XRN2: variants seen among roughly 807,000 people sequenced by gnomAD.
The protein encoded by XRN2 is DHM1-like protein.
Under a neutral mutation model 138.5 loss-of-function variants are expected in XRN2, and 44 were observed. The ratio of observed to expected loss-of-function variants is 0.32; its 90% CI spans 0.25 to 0.41. The LOEUF is 0.41. Ranked by LOEUF, XRN2 falls within the 10% of genes least tolerant of loss-of-function variation. The probability of loss-of-function intolerance (pLI) is 1.00; values close to 1 mark genes in which losing one functional copy is unlikely to be tolerated. For missense variants in XRN2, 937 were observed against 1,169.3 expected (o/e 0.80, Z 2.90); for synonymous variants, 354 against 369.4 (o/e 0.96, Z 0.48).
In XRN2 at chr20:21,359,937, A is replaced by G. The variant is rs1305694261; in HGVS notation, c.2255+2145A>G. Among the ~76,000 whole-genome samples, 3 of 151,906 alleles carry G rather than the reference A, an allele frequency of 2.0e-5. No homozygotes were observed. In the East Asian group the frequency reaches 5.8e-4, roughly 29 times the overall value. ...TAGTATCCCATTTGATATTTGAGAA[A>G]TCGTTTCCTCAAGTTGAGTTTAGGT... On this transcript the variant is annotated intron_variant, in intron 24 of 29. Coordinates refer to ENST00000377191, the MANE Select transcript of XRN2 (RefSeq NM_012255.5).
intron 1 of XRN2, among the ~76,000 whole-genome samples, chr20:21,320,970 A>G (rs1348388433): frequency 6.6e-6 from 1 of 152,010 alleles, no homozygotes; most frequent in Admixed American, 6.6e-5. Context: ...CATTAGATCT[A>G]TTAGTCTCCT....
chr20:21,381,925 AAAATATTGGGTAGTT>A (rs2038889726), intron 27 of XRN2, 54 bp from the exon 28 acceptor site: 1 of 1,286,852 alleles, frequency 7.8e-7, no homozygotes, highest in East Asian at 2.5e-5. Flanking sequence ...TTTTAATTAT[AAAATATTGGGTAGTT>A]GAATATTGGT....
chr20:21,374,227 G>C lies in XRN2; in HGVS notation c.2584+5637G>C, dbSNP rs566035856. 1.3e-5 allele frequency among the ~76,000 whole-genome samples: 2 copies of C among 151,714 alleles called. 1 individual carries two copies. The highest frequency in any genetic ancestry group is 4.2e-4 in the South Asian group (2 of 4,796). ...TCTTCTAATAGTTTATATGTTCTTT[G>C]AAATCTTTTTGTGTACACAATTATG... is the stretch of plus-strand genomic sequence containing the variant. On this transcript the variant is annotated intron_variant, in intron 27 of 29. Coordinates refer to ENST00000377191, the MANE Select transcript of XRN2 (RefSeq NM_012255.5).
chr20:21,375,810 TTTTATTTATTTATTTATTTTTTA>T (rs988116100), intron 27 of XRN2, among the ~76,000 whole-genome samples: 3 of 146,898 alleles, frequency 2.0e-5, no homozygotes, highest in African/African-American at 7.4e-5. Context: ...TACCAGGTGT[TTTTATTTATTTATTTATTTTTTA>T]TTTATTTATT....
intron 4 of XRN2, among the ~76,000 whole-genome samples, chr20:21,330,207 C>T (rs551091735): frequency 1.9e-3 from 294 of 152,138 alleles, no homozygotes; most frequent in African/African-American, 6.9e-3. Context: ...CGCTTGAACC[C>T]CGGAAGGCGG....
chr20:21,324,668 C>T (rs1600679805), intron 1 of XRN2, among the ~76,000 whole-genome samples: 1 of 152,154 alleles, frequency 6.6e-6, no homozygotes, highest in Non-Finnish European at 1.5e-5. Context: ...AGATCTTACT[C>T]TGTCGCCCAG....
chr20:21,344,793 A>T (rs1219967907), intron 16 of XRN2, among the ~76,000 whole-genome samples: 2 of 152,216 alleles, frequency 1.3e-5, no homozygotes, highest in African/African-American at 4.8e-5. Flanking sequence ...TCTTTAATTC[A>T]TCCTGAAGTT....
At chr20:21,347,509 T>C (rs1022551472) in intron 17 of XRN2, among the ~76,000 whole-genome samples, 3 of 152,234 alleles carry the variant, frequency 2.0e-5, no homozygotes, top group Admixed American at 6.5e-5. Flanking sequence ...TATTGACCGT[T>C]AAGTACTCTG....
chr20:21,332,931 ATT>A (rs2038233168), intron 9 of XRN2, among the ~76,000 whole-genome samples: 1 of 152,140 alleles, frequency 6.6e-6, no homozygotes, highest in Non-Finnish European at 1.5e-5. Context: ...CTTTTTATGT[ATT>A]TTAGGTTCAC....
chr20:21,335,865 G>A (rs144763969), intron 13 of XRN2, among the ~76,000 whole-genome samples: 2 of 152,344 alleles, frequency 1.3e-5, no homozygotes, highest in Non-Finnish European at 2.9e-5. Flanking sequence ...TGACCTGGCA[G>A]GAGAGGGCAT....
chr20:21,368,058 A>G (rs1296436840), intron 26 of XRN2, among the ~76,000 whole-genome samples: 2 of 152,222 alleles, frequency 1.3e-5, no homozygotes, highest in Non-Finnish European at 2.9e-5. Flanking sequence ...GGAATTACAA[A>G]GATGAAGAAA....
chr20:21,382,441 C>T (rs999834604), intron 28 of XRN2, among the ~76,000 whole-genome samples: 1 of 152,176 alleles, frequency 6.6e-6, no homozygotes, highest in Non-Finnish European at 1.5e-5. Flanking sequence ...GGCAATGCAG[C>T]GTTAGTACAG....
intron 20 of XRN2, among the ~76,000 whole-genome samples, chr20:21,350,869 C>G (rs2038501184): frequency 6.6e-6 from 1 of 151,950 alleles, no homozygotes; most frequent in Non-Finnish European, 1.5e-5. Context: ...GAAGTGCACC[C>G]ATTGGGGTTA....
intron 8 of XRN2, 95 bp downstream of exon 8, chr20:21,331,913 A>G (rs2038215320): frequency 2.2e-6 from 3 of 1,378,718 alleles, no homozygotes; most frequent in Non-Finnish European, 3.0e-6. Context: ...GTTACCTGGA[A>G]GTTCCAAAAT....
chr20:21,313,931 T>C (rs570481019), intron 1 of XRN2, among the ~76,000 whole-genome samples: 11 of 152,368 alleles, frequency 7.2e-5, no homozygotes, highest in Admixed American at 3.3e-4. Flanking sequence ...TGTTGAGATA[T>C]GATTTGCATA....
intron 23 of XRN2, 152 bp downstream of exon 23, chr20:21,356,817 C>G (rs2038581078): frequency 2.9e-6 from 2 of 691,558 alleles, no homozygotes; most frequent in South Asian, 4.0e-5. Context: ...TGCTTGGGTT[C>G]AAAGCCTAGC....
At position 21,333,781 on chromosome 20, in the gene XRN2, C is replaced by T. The variant is rs1381870567; in HGVS notation, c.1011C>T (p.Phe337=). The T allele has an allele frequency of 6.2e-7, 1 of 1,614,130 alleles. No homozygotes were observed. The highest frequency in any genetic ancestry group is 1.1e-5 in the South Asian group (1 of 91,078). The change falls in exon 11 of 30, where the codon TTC becomes TTT. Residue 337 remains phenylalanine, a synonymous_variant. Coordinates refer to ENST00000377191, the MANE Select transcript of XRN2 (RefSeq NM_012255.5). ...AGAGGAGCATTGATGACTGGGTTTT[C>T]ATGTGCTTCTTTGTGGGAAATGACT... The part of the protein sequence containing the change: ...DVERSIDDWV[F]MCFFVGNDFL...
At chr20:21,333,394 A>T in intron 9 of XRN2, 150 bp from the exon 10 acceptor site, 1 of 807,170 alleles carries the variant, frequency 1.2e-6, no homozygotes, top group Non-Finnish European at 2.0e-6. Flanking sequence ...GGTAATTTTT[A>T]TTTTAAAATG....
chr20:21,356,535 T>A, intron 22 of XRN2, 51 bp from the exon 23 acceptor site: 3 of 1,539,234 alleles, frequency 1.9e-6, no homozygotes, highest in Non-Finnish European at 2.7e-6. Flanking sequence ...TCTGCTTGAG[T>A]CCCAGTTTTC....
Sources: gnomAD v4.1 joint callset for allele counts (sites outside exome capture counted in the v4.1 genomes callset) on GRCh38, gnomAD v4.1.1 for gene constraint, MANE v1.5 for transcripts, NCBI Gene and HGNC (gene_info 2026-07-23, HGNC 2026-07-21) for gene names.